Variants in DHRS9 observed in about 807,000 individuals in gnomAD.
The protein encoded by DHRS9 is dehydrogenase/reductase SDR family member 9.
DHRS9 carries 18 observed loss-of-function variants against 26.6 expected under a neutral mutation model. That is an observed-to-expected ratio of 0.68 (90% CI 0.47 to 1.00). The LOEUF (loss-of-function observed/expected upper bound fraction) is 1.00, where lower values mean the gene tolerates loss of function less well. DHRS9 is among the 50% of genes least tolerant of loss of function. The pLI is 0.00. For missense variants in DHRS9, 425 were observed against 378.7 expected (o/e 1.12, Z -1.01); for synonymous variants, 134 against 141.1 (o/e 0.95, Z 0.36).
At chr2:169,079,117 G>A (rs1298916327) in intron 1 of DHRS9, among the ~76,000 whole-genome samples, 1 of 151,838 alleles carries the variant, frequency 6.6e-6, no homozygotes, top group African/African-American at 2.4e-5. Flanking sequence ...AAAGTGCTGG[G>A]ATTACAGGAG....
intron 4 of DHRS9, among the ~76,000 whole-genome samples, chr2:169,094,002 GA>G (rs1185484470): frequency 2.6e-5 from 4 of 152,164 alleles, no homozygotes; most frequent in African/African-American, 4.8e-5. Flanking sequence ...ATTTGGGGGG[GA>G]AATCTCTATG....
intron 4 of DHRS9, among the ~76,000 whole-genome samples, chr2:169,092,829 T>G (rs1045337472): frequency 1.3e-5 from 2 of 152,148 alleles, no homozygotes; most frequent in African/African-American, 2.4e-5. Context: ...CCATTCTAAG[T>G]GCTTTACAGG....
intron 4 of DHRS9, among the ~76,000 whole-genome samples, chr2:169,094,903 T>C (rs1453160383): frequency 3.3e-5 from 5 of 152,174 alleles, no homozygotes; most frequent in South Asian, 2.1e-4. Flanking sequence ...AAACATCTCA[T>C]TTGCATGAGA....
upstream of DHRS9, among the ~76,000 whole-genome samples, chr2:169,068,153 G>A (rs1683700747): frequency 6.6e-6 from 1 of 152,288 alleles, no homozygotes; most frequent in Non-Finnish European, 1.5e-5. Context: ...AGGCTCACAG[G>A]AAGGGTTCAG....
chr2:169,083,776 G>A (rs1260725479), intron 3 of DHRS9, among the ~76,000 whole-genome samples, 189 bp downstream of exon 3: 3 of 152,056 alleles, frequency 2.0e-5, no homozygotes, highest in Admixed American at 6.6e-5. Context: ...ACAATGCATA[G>A]TAATTACATC....
At chr2:169,095,072 G>A (rs553030955) in intron 4 of DHRS9, among the ~76,000 whole-genome samples, 2 of 152,200 alleles carry the variant, frequency 1.3e-5, no homozygotes, top group South Asian at 4.2e-4. Context: ...ATTTTCTCTA[G>A]ACACATAATC....
intron 1 of DHRS9, among the ~76,000 whole-genome samples, chr2:169,080,813 G>T (rs985699991): frequency 6.6e-6 from 1 of 152,202 alleles, no homozygotes; most frequent in South Asian, 2.1e-4. Context: ...GGGGATGTGG[G>T]AGTCTGGTTT....
intron 1 of DHRS9, among the ~76,000 whole-genome samples, chr2:169,080,016 AG>A (rs1449614990): frequency 1.6e-5 from 2 of 125,424 alleles, no homozygotes; most frequent in Non-Finnish European, 3.6e-5. Context: ...AAAGAAAGAA[AG>A]AAAGAAAGAA....
At chr2:169,083,007 G>A (rs528749281) in intron 2 of DHRS9, among the ~76,000 whole-genome samples, 1 of 152,224 alleles carries the variant, frequency 6.6e-6, no homozygotes, top group South Asian at 2.1e-4. Context: ...TTGTGCACAT[G>A]TACCCTAAAA....
intron 1 of DHRS9, among the ~76,000 whole-genome samples, chr2:169,079,573 G>C (rs903472311): frequency 2.0e-5 from 3 of 151,964 alleles, no homozygotes; most frequent in Non-Finnish European, 4.4e-5. Context: ...TAAAGTCCAG[G>C]CTGGGCGTGG....
chr2:169,087,465 T>G (rs1199495788), intron 3 of DHRS9, among the ~76,000 whole-genome samples: 3 of 152,156 alleles, frequency 2.0e-5, no homozygotes, highest in African/African-American at 7.2e-5. Flanking sequence ...GCCCACTTGG[T>G]GCTCTACCCC....
chr2:169,079,647 A>G (rs1684081590), intron 1 of DHRS9, among the ~76,000 whole-genome samples: 1 of 151,910 alleles, frequency 6.6e-6, no homozygotes, highest in South Asian at 2.1e-4. Context: ...TGAGGCCAGG[A>G]GTTCAAGACA....
chr2:169,081,990 C>G, intron 2 of DHRS9, 96 bp downstream of exon 2: 1 of 1,255,670 alleles, frequency 8.0e-7, no homozygotes, highest in Non-Finnish European at 1.1e-6. Flanking sequence ...AATGGCCTTT[C>G]GAGAAAATGT....
chr2:169,069,497 G>A (rs140058055), upstream of DHRS9: 445 of 985,272 alleles, frequency 4.5e-4, no homozygotes, highest in East Asian at 5.7e-4. Flanking sequence ...TAGTCATCAC[G>A]TTGTGTCACA....
chr2:169,085,257 T>C (rs1249376372), intron 3 of DHRS9, among the ~76,000 whole-genome samples: 2 of 152,188 alleles, frequency 1.3e-5, no homozygotes, highest in African/African-American at 4.8e-5. Flanking sequence ...AAATTTGAAG[T>C]CATGTAATGT....
intron 1 of DHRS9, among the ~76,000 whole-genome samples, chr2:169,080,585 G>A (rs1263633700): frequency 2.0e-5 from 3 of 152,212 alleles, no homozygotes; most frequent in African/African-American, 4.8e-5. Flanking sequence ...GAGGGGAAAC[G>A]CAGATGCAGG....
intron 1 of DHRS9, among the ~76,000 whole-genome samples, chr2:169,077,832 C>T (rs995230400): frequency 3.3e-5 from 5 of 152,192 alleles, no homozygotes; most frequent in Admixed American, 2.6e-4. Flanking sequence ...TTCCCCCATT[C>T]CCTCATCTAC....
Position 169,091,928 on chromosome 2 carries a change from A to G in DHRS9, c.711A>G (p.Gln237=). ...AGCTGTCTCCAGACATCAAACAACAATATGGAGAAGGTTACATTGAAAAAA... is the reference window on the plus strand; with the variant it reads ...AGCTGTCTCCAGACATCAAACAACAGTATGGAGAAGGTTACATTGAAAAAA... ...WEQLSPDIKQ[Q]YGEGYIEKSL... Residue 237 remains glutamine (Q), a synonymous_variant, in exon 4 of 5, where the codon CAA becomes CAG. Coordinates refer to ENST00000674881, the MANE Select transcript of DHRS9 (RefSeq NM_001376924.1). 1 of 1,614,018 alleles carries G rather than the reference A, an allele frequency of 6.2e-7. No homozygotes were observed. The highest frequency in any genetic ancestry group is 8.5e-7 in the Non-Finnish European group (1 of 1,179,990).
Position 169,091,968 on chromosome 2 carries a change from G to T in DHRS9, c.736+15G>T. Reference sequence around the variant, plus strand: ...CATTGAAAAAAGTGAGTTTCCGGGCGGTGCCAATGTCCTCTAGAATTCTTT... The same window carrying T: ...CATTGAAAAAAGTGAGTTTCCGGGCTGTGCCAATGTCCTCTAGAATTCTTT... On this transcript the variant is annotated intron_variant, in intron 4 of 4. Transcript: ENST00000674881. 1 of 1,611,430 alleles carries T rather than the reference G, an allele frequency of 6.2e-7. No homozygotes were observed. Among genetic ancestry groups the T allele is most frequent in the Middle Eastern group, 1.7e-4 (1 of 6,040 alleles).
Sources: gnomAD v4.1 joint callset for allele counts (sites outside exome capture counted in the v4.1 genomes callset) on GRCh38, gnomAD v4.1.1 for gene constraint, MANE v1.5 for transcripts, NCBI Gene and HGNC (gene_info 2026-07-23, HGNC 2026-07-21) for gene names.